ROR2: variants seen among roughly 807,000 people sequenced by gnomAD.
ROR2 encodes the protein tyrosine-protein kinase transmembrane receptor ROR2.
Under a neutral mutation model 74.9 loss-of-function variants are expected in ROR2, and 33 were observed. The ratio of observed to expected loss-of-function variants is 0.44; its 90% CI spans 0.33 to 0.59. The LOEUF is 0.59. Ranked by LOEUF, ROR2 falls within the 20% of genes least tolerant of loss-of-function variation. The pLI is 0.02. For missense variants in ROR2, 1,216 were observed against 1,313.8 expected (o/e 0.93, Z 1.15); for synonymous variants, 586 against 558.7 (o/e 1.05, Z -0.69).
intron 1 of ROR2, among the ~76,000 whole-genome samples, chr9:91,833,035 G>A (rs1266169604): frequency 6.6e-6 from 1 of 152,156 alleles, no homozygotes; most frequent in Admixed American, 6.5e-5. Flanking sequence ...GCAGGTGAGG[G>A]GCTCAGAGTG....
intron 1 of ROR2, among the ~76,000 whole-genome samples, chr9:91,918,539 T>C (rs1415048572): frequency 2.6e-5 from 4 of 152,200 alleles, no homozygotes; most frequent in African/African-American, 9.6e-5. Context: ...ACTGCCATTT[T>C]TGTAGGTTGA....
intron 1 of ROR2, among the ~76,000 whole-genome samples, chr9:91,776,121 G>T (rs1485504475): frequency 1.3e-5 from 2 of 152,204 alleles, no homozygotes; most frequent in South Asian, 2.1e-4. Flanking sequence ...AGAGCGGGAA[G>T]GAGAGGGAGA....
In ROR2 at chr9:91,724,378, G is replaced by A. The variant is rs777577615; in HGVS notation, c.2116C>T (p.Arg706Trp). The change falls in exon 9 of 9, where the codon CGG (arginine) becomes TGG (tryptophan). Residue 706 changes from arginine (R) to tryptophan (W), a missense_variant. By Grantham distance (101) the Arg-to-Trp change is moderately radical. Transcript: ENST00000375708. ...GGGCAAGGCAGCACCTGCCGGTTCC[G>A]GATCATCTCCACCACATCCTGGTTG... ...YSNQDVVEMI[R>W]NRQVLPCPDD... 1.7e-5 allele frequency: 28 copies of A among 1,613,864 alleles called. No individual in the cohort carries two copies. Among genetic ancestry groups the A allele is most frequent in the African/African-American group, 1.6e-4 (12 of 74,934 alleles).
intron 1 of ROR2, among the ~76,000 whole-genome samples, chr9:91,889,052 C>T (rs569742742): frequency 2.9e-4 from 44 of 152,152 alleles, no homozygotes; most frequent in Non-Finnish European, 3.8e-4. Context: ...GAAGAGAGAC[C>T]GTGTAATAAA....
chr9:91,941,693 T>C (rs992120946), intron 1 of ROR2, among the ~76,000 whole-genome samples: 1 of 152,250 alleles, frequency 6.6e-6, no homozygotes, highest in South Asian at 2.1e-4. Flanking sequence ...CTGTGGTGTA[T>C]TGTATTGTAC....
At chr9:91,775,078 G>T (rs1000072134) in intron 2 of ROR2, among the ~76,000 whole-genome samples, 1 of 152,188 alleles carries the variant, frequency 6.6e-6, no homozygotes, top group African/African-American at 2.4e-5. Flanking sequence ...AACTGTGCTG[G>T]CACCTTGATC....
rs2118848019 is a variant in ROR2 at position 91,757,262 on chromosome 9, T to C, written c.463+10A>G. ...TCTGCTAACCCACACAATTTCACTG[T>C]CCAACTCACCCAGCCGCACAAACAG... is the stretch of plus-strand genomic sequence containing the variant. On this transcript the variant is annotated intron_variant, in intron 3 of 8. Transcript: ENST00000375708. The C allele has an allele frequency of 6.2e-7, 1 of 1,613,824 alleles. No homozygotes were observed.
At chr9:91,838,652 G>C (rs1436552689) in intron 1 of ROR2, among the ~76,000 whole-genome samples, 1 of 152,172 alleles carries the variant, frequency 6.6e-6, no homozygotes, top group Non-Finnish European at 1.5e-5. Context: ...GGCTGTCTCG[G>C]CCCCTTGGGA....
intron 1 of ROR2, among the ~76,000 whole-genome samples, chr9:91,845,384 G>A (rs1057131162): frequency 6.6e-6 from 1 of 151,786 alleles, no homozygotes; most frequent in Non-Finnish European, 1.5e-5. Flanking sequence ...TCCCAGGCAA[G>A]AGGATGTTCA....
At chr9:91,807,105 G>A (rs923565270) in intron 1 of ROR2, among the ~76,000 whole-genome samples, 4 of 152,212 alleles carry the variant, frequency 2.6e-5, no homozygotes, top group African/African-American at 9.7e-5. Flanking sequence ...ATGTAGAGAA[G>A]GAAGGCTACA....
chr9:91,776,867 A>G (rs1247656537), intron 1 of ROR2, among the ~76,000 whole-genome samples: 1 of 152,222 alleles, frequency 6.6e-6, no homozygotes, highest in Non-Finnish European at 1.5e-5. Flanking sequence ...AAATTGACAA[A>G]TGGTCTGAAA....
chr9:91,883,912 T>C (rs1050417630), intron 1 of ROR2, among the ~76,000 whole-genome samples: 12 of 152,030 alleles, frequency 7.9e-5, no homozygotes. Flanking sequence ...CTATCTAGCA[T>C]GAGTTGCATC....
rs570168444 is a variant in ROR2, at chr9:91,741,272, C to T, written c.495-3754G>A. Among the ~76,000 whole-genome samples the T allele has an allele frequency of 6.0e-5, 9 of 150,688 alleles. No homozygotes were observed. In the East Asian group the frequency reaches 1.8e-3, roughly 29 times the overall value. ...CAGAGATTGTGCCACTGCACTCCAG[C>T]CTGGTGACAGAGCAAGACTCTGTCT... On this transcript the variant is annotated intron_variant, in intron 4 of 8. Transcript: ENST00000375708.
In ROR2 at chr9:91,805,661, G is replaced by A. The variant is rs1380416831; in HGVS notation, c.98-29843C>T. Among the ~76,000 whole-genome samples the A allele has an allele frequency of 4.6e-5, 7 of 152,260 alleles. No individual in the cohort carries two copies. In the South Asian group the frequency reaches 1.0e-3, roughly 23 times the overall value. ...TCATAGGATGGCAGCAGAAGTACATGTACACACCCATGCACATGCTCACAC... is the reference window on the plus strand; with the variant it reads ...TCATAGGATGGCAGCAGAAGTACATATACACACCCATGCACATGCTCACAC... On this transcript the variant is annotated intron_variant, in intron 1 of 8. Coordinates refer to ENST00000375708, the MANE Select transcript of ROR2 (RefSeq NM_004560.4).
At position 91,816,272 on chromosome 9, in the gene ROR2, G is replaced by C. The variant is rs990471353; in HGVS notation, c.98-40454C>G. On this transcript the variant is annotated intron_variant, in intron 1 of 8. Coordinates refer to ENST00000375708, the MANE Select transcript of ROR2 (RefSeq NM_004560.4). ...CATTACCCAAATGTTCACAGCCACA[G>C]GAGACCCTTCAAGAGATCAATCAGA... Among the ~76,000 whole-genome samples the C allele has an allele frequency of 2.0e-5, 3 of 152,216 alleles. No individual in the cohort carries two copies. The South Asian group carries it at 6.2e-4, about 32-fold the overall frequency.
intron 1 of ROR2, among the ~76,000 whole-genome samples, chr9:91,795,565 A>G (rs1408000070): frequency 6.6e-6 from 1 of 152,248 alleles, no homozygotes; most frequent in East Asian, 1.9e-4. Flanking sequence ...GACACTGCTT[A>G]CTTCCCACGC....
rs1826672449 is a variant in ROR2, at chr9:91,782,948, G to A, written c.98-7130C>T. Reference sequence around the variant, plus strand: ...AGCCACAACAAAGCCGCACAGATGGGGCAGCCTAAACAATGGAAACGCCTT... The same window carrying A: ...AGCCACAACAAAGCCGCACAGATGGAGCAGCCTAAACAATGGAAACGCCTT... On this transcript the variant is annotated intron_variant, in intron 1 of 8. Coordinates refer to ENST00000375708, the MANE Select transcript of ROR2 (RefSeq NM_004560.4). Among the ~76,000 whole-genome samples the A allele has an allele frequency of 2.0e-5, 3 of 152,200 alleles. No individual in the cohort carries two copies. The South Asian group carries it at 6.2e-4, about 32-fold the overall frequency.
chr9:91,733,408 C>A lies in ROR2; in HGVS notation c.651G>T (p.Thr217=). The part of the protein sequence containing the change: ...TAAFTMIGTS[T]HLSDQCSQFA... ...ACTGTGAGCACTGGTCCGACAGGTG[C>A]GTAGACGTGCCGATCATGGTGAAGG... is the stretch of plus-strand genomic sequence containing the variant. The change falls in exon 6 of 9, where the codon ACG becomes ACT. Residue 217 remains threonine (T), a synonymous_variant. Coordinates refer to ENST00000375708, the MANE Select transcript of ROR2 (RefSeq NM_004560.4). The surrounding 1 kb of genome is among the most constrained non-coding windows in gnomAD (Gnocchi z 5.7). 6.2e-7 allele frequency: 1 copy of A among 1,611,436 alleles called. No individual in the cohort carries two copies.
Position 91,905,685 on chromosome 9 carries a change from T to C in ROR2, c.97+44182A>G, listed in dbSNP as rs1366785232. ...CCACACATACACTCCAAAATCTGTT[T>C]TTCTTTTTAGAAGACCACAAACCCC... is the stretch of plus-strand genomic sequence containing the variant. On this transcript the variant is annotated intron_variant, in intron 1 of 8. Coordinates refer to ENST00000375708, the MANE Select transcript of ROR2 (RefSeq NM_004560.4). The surrounding 1 kb of genome is among the most constrained non-coding windows in gnomAD (Gnocchi z 5.3). Among the ~76,000 whole-genome samples, 2 of 144,694 alleles carry C rather than the reference T, an allele frequency of 1.4e-5. No homozygotes were observed. Among genetic ancestry groups the C allele is most frequent in the Non-Finnish European group, 3.0e-5 (2 of 65,910 alleles). 94.9% of individuals were successfully genotyped at this position (144,694 alleles called of 152,430 possible).
Sources: gnomAD v4.1 joint callset for allele counts (sites outside exome capture counted in the v4.1 genomes callset) on GRCh38, gnomAD v4.1.1 for gene constraint, Gnocchi (gnomAD v3.1) non-coding constraint, MANE v1.5 for transcripts, NCBI Gene and HGNC (gene_info 2026-07-23, HGNC 2026-07-21) for gene names.